ANTXR2: variants seen among roughly 807,000 people sequenced by gnomAD.
ANTXR2 encodes ANTXR cell adhesion molecule 2, also known as anthrax toxin receptor 2.
In ANTXR2, 44 loss-of-function variants were observed where a neutral mutation model predicts 73.7. The ratio of observed to expected loss-of-function variants is 0.60; its 90% confidence interval spans 0.47 to 0.77. The LOEUF is 0.77. ANTXR2 is among the 30% of genes least tolerant of loss of function. The pLI is 0.00. For synonymous variants in ANTXR2, 217 were observed against 205.9 expected (o/e 1.05, Z -0.46); for missense variants, 604 against 592.5 (o/e 1.02, Z -0.20).
At chr4:79,982,317 G>T (rs1474476525) in intron 14 of ANTXR2, among the ~76,000 whole-genome samples, 1 of 152,048 alleles carries the variant, frequency 6.6e-6, no homozygotes, top group Non-Finnish European at 1.5e-5. Context: ...ATTGAAAATT[G>T]TCCATCCAGA....
rs1553925226 is a variant in ANTXR2 at position 79,915,862 on chromosome 4, C to CTATATATA, written c.1429-8403_1429-8396dup. On this transcript the variant is annotated intron_variant, in intron 16 of 16. Transcript: ENST00000403729. ...TCTCTCTCTCTCTCTCTCTCTCTCT[C>CTATATATA]TATATATATATATATACATAAAGAA... Among the ~76,000 whole-genome samples, 1,102 of 123,788 alleles carry CTATATATA rather than the reference C, an allele frequency of 8.9e-3. 4 individuals are homozygous for CTATATATA. Among genetic ancestry groups the CTATATATA allele is most frequent in the South Asian group, 0.019 (68 of 3,648 alleles). The allele number at this position is 123,788 out of a possible 152,430, so 81.2% of individuals were successfully genotyped here.
chr4:80,014,694 A>G (rs1731757754), intron 11 of ANTXR2, among the ~76,000 whole-genome samples: 1 of 152,162 alleles, frequency 6.6e-6, no homozygotes. Context: ...TGTCTTTCTC[A>G]AGGCCCTGGG....
At chr4:79,998,718 A>C (rs1345744444) in intron 12 of ANTXR2, among the ~76,000 whole-genome samples, 1 of 152,036 alleles carries the variant, frequency 6.6e-6, no homozygotes. Flanking sequence ...GCAGTTATAG[A>C]GGATGGATAT....
chr4:79,921,191 A>G (rs1410715911), intron 16 of ANTXR2, among the ~76,000 whole-genome samples: 4 of 152,150 alleles, frequency 2.6e-5, no homozygotes, highest in Non-Finnish European at 5.9e-5. Flanking sequence ...TTAGAAAATT[A>G]GGCATTAAGA....
chr4:80,048,524 C>T (rs1349605798), intron 7 of ANTXR2, among the ~76,000 whole-genome samples: 11 of 151,644 alleles, frequency 7.3e-5, no homozygotes, highest in African/African-American at 4.8e-5. Context: ...TGTATCTTTA[C>T]AGTTGCTCAG....
chr4:80,032,851 G>C (rs1223837231), intron 9 of ANTXR2, among the ~76,000 whole-genome samples: 1 of 151,602 alleles, frequency 6.6e-6, no homozygotes, highest in East Asian at 1.9e-4. Flanking sequence ...CAAAGGTAGG[G>C]AAAATTAAAA....
rs1239874803 is a variant in ANTXR2, at chr4:79,954,958, C to T, written c.1428+22663G>A. ...AGTTGGAAAATCAATTTCAATGTGA[C>T]CCAATGGGAGAACAGTTCCAGTATC... On this transcript the variant is annotated intron_variant, in intron 16 of 16. Coordinates refer to ENST00000403729, the MANE Select transcript of ANTXR2 (RefSeq NM_058172.6). 5.9e-5 allele frequency among the ~76,000 whole-genome samples: 9 copies of T among 152,210 alleles called. No individual in the cohort carries two copies. The East Asian group carries it at 9.6e-4, about 16-fold the overall frequency.
chr4:79,988,223 T>C (rs1730279858), intron 12 of ANTXR2, among the ~76,000 whole-genome samples: 2 of 111,016 alleles, frequency 1.8e-5, no homozygotes, highest in Admixed American at 1.0e-4. Flanking sequence ...TCATCTCACA[T>C]AAATTTTATA....
intron 7 of ANTXR2, among the ~76,000 whole-genome samples, chr4:80,044,843 C>T (rs540416854): frequency 1.3e-5 from 2 of 151,700 alleles, no homozygotes; most frequent in African/African-American, 4.8e-5. Context: ...AAGTATATAG[C>T]GCAATATCTT....
chr4:80,010,465 C>T (rs1051149596), intron 11 of ANTXR2, among the ~76,000 whole-genome samples: 1 of 152,118 alleles, frequency 6.6e-6, no homozygotes, highest in Non-Finnish European at 1.5e-5. Flanking sequence ...CATGAGGATC[C>T]AGCCACAGCA....
intron 16 of ANTXR2, among the ~76,000 whole-genome samples, chr4:79,958,118 A>G (rs1223515733): frequency 6.6e-6 from 1 of 151,728 alleles, no homozygotes; most frequent in Non-Finnish European, 1.5e-5. Context: ...CTCCTTCTAT[A>G]TCACCTCATA....
At chr4:80,024,115 T>C (rs576233420) in intron 10 of ANTXR2, among the ~76,000 whole-genome samples, 7 of 152,176 alleles carry the variant, frequency 4.6e-5, no homozygotes, top group Admixed American at 3.9e-4. Flanking sequence ...CTGAGACATA[T>C]TAGGAGTTAG....
At chr4:80,067,700 T>C (rs1734572091) in intron 3 of ANTXR2, among the ~76,000 whole-genome samples, 1 of 151,674 alleles carries the variant, frequency 6.6e-6, no homozygotes, top group Non-Finnish European at 1.5e-5. Context: ...TTCATTCTCA[T>C]CCACACAAGA....
chr4:80,010,977 C>T (rs1457211242), intron 11 of ANTXR2, among the ~76,000 whole-genome samples: 1 of 151,852 alleles, frequency 6.6e-6, no homozygotes, highest in Non-Finnish European at 1.5e-5. Flanking sequence ...GAAACCCCAT[C>T]TCTACTAAAA....
At chr4:79,954,026 T>G (rs958438980) in intron 16 of ANTXR2, among the ~76,000 whole-genome samples, 15 of 152,182 alleles carry the variant, frequency 9.9e-5, no homozygotes, top group Non-Finnish European at 1.6e-4. Flanking sequence ...CTGTAAATTT[T>G]CTGGAAAACT....
At position 80,005,092 on chromosome 4, in the gene ANTXR2, A is replaced by AT. The variant is rs1232871524; in HGVS notation, c.1041+3428dup. On this transcript the variant is annotated intron_variant, in intron 12 of 16. Coordinates refer to ENST00000403729, the MANE Select transcript of ANTXR2 (RefSeq NM_058172.6). ...ATGACTTAATATTTCATATTTTGGC[A>AT]TTTTATAAAACATGAAATGACTGAA... Among the ~76,000 whole-genome samples, 3 of 152,154 alleles carry AT rather than the reference A, an allele frequency of 2.0e-5. 1 individual carries two copies. The highest frequency in any genetic ancestry group is 4.4e-5 in the Non-Finnish European group (3 of 68,028).
At chr4:80,037,345 T>G (rs978033035) in intron 7 of ANTXR2, among the ~76,000 whole-genome samples, 6 of 152,142 alleles carry the variant, frequency 3.9e-5, no homozygotes, top group African/African-American at 1.4e-4. Flanking sequence ...TCTCAGCCCC[T>G]AAAATCAACT....
At position 80,072,714 on chromosome 4, in the gene ANTXR2, G is replaced by T; in HGVS notation, c.-154C>A. ...CCTGCGGCAGCGGGACCCACCAGCT[G>T]ACAGGGAGGGAGAGAGGGAGGTCCT... On this transcript the variant is annotated 5_prime_UTR_variant, in exon 1 of 17. Transcript: ENST00000403729. 7.4e-7 allele frequency: 1 copy of T among 1,349,684 alleles called. No homozygotes were observed. The allele number at this position is 1,349,684 out of a possible 1,614,324, so 83.6% of individuals were successfully genotyped here.
intron 16 of ANTXR2, among the ~76,000 whole-genome samples, chr4:79,908,208 A>G (rs1485309478): frequency 6.6e-6 from 1 of 152,182 alleles, no homozygotes; most frequent in African/African-American, 2.4e-5. Flanking sequence ...GATACTACTG[A>G]TCCACTGTAC....
Sources: gnomAD v4.1 joint callset for allele counts (sites outside exome capture counted in the v4.1 genomes callset) on GRCh38, gnomAD v4.1.1 for gene constraint, MANE v1.5 for transcripts, NCBI Gene and HGNC (gene_info 2026-07-23, HGNC 2026-07-21) for gene names.